Variants in TENT4A observed in about 807,000 individuals in gnomAD.
The protein encoded by TENT4A is terminal nucleotidyltransferase 4A.
A neutral mutation model predicts 72.8 loss-of-function variants in TENT4A; 7 were observed. That is an observed-to-expected ratio of 0.10 (90% CI 0.05 to 0.18). The LOEUF (loss-of-function observed/expected upper bound fraction) is 0.18, where lower values mean the gene tolerates loss of function less well. TENT4A is among the 10% of genes least tolerant of loss of function. TENT4A has a pLI of 1.00. For synonymous variants in TENT4A, 456 were observed against 434.3 expected, an observed-to-expected ratio of 1.05 and a Z score of -0.62; for missense variants, 831 against 1,017.7, an observed-to-expected ratio of 0.82 and a Z score of 2.50.
At chr5:6,741,759 CACTG>C (rs954067718) in intron 4 of TENT4A, among the ~76,000 whole-genome samples, 18 of 152,240 alleles carry the variant, frequency 1.2e-4, no homozygotes, top group African/African-American at 4.1e-4. Flanking sequence ...CGTTGCCTAT[CACTG>C]GCATTTGAAC....
rs371416636 is a variant in TENT4A at position 6,754,883 on chromosome 5, G to A, written c.2317G>A (p.Gly773Ser). 50 of 1,606,444 alleles carry A rather than the reference G, an allele frequency of 3.1e-5. No individual in the cohort carries two copies. Among genetic ancestry groups the A allele is most frequent in the Admixed American group, 1.8e-4 (11 of 59,810 alleles). ...GGGACACCACCAGTATAACCGCACC[G>A]GCTGGAGGAGGAAAAAACACACACA... is the stretch of plus-strand genomic sequence containing the variant. The part of the protein sequence containing the change: ...NRGHHQYNRT[G>S]WRRKKHTHTR... The change falls in exon 13 of 13, where the codon GGC becomes AGC. Residue 773 changes from glycine (G) to serine (S), a missense_variant. By Grantham distance (56) the Gly-to-Ser change is moderately conservative (BLOSUM62 0). Transcript: ENST00000230859.
At chr5:6,746,813 T>G (rs529959950) in intron 7 of TENT4A, among the ~76,000 whole-genome samples, 1 of 152,336 alleles carries the variant, frequency 6.6e-6, no homozygotes, top group African/African-American at 2.4e-5. Context: ...ATATTAATGT[T>G]TATTATTGTT....
chr5:6,737,748 C>T, intron 2 of TENT4A, 115 bp downstream of exon 2: 1 of 1,178,912 alleles, frequency 8.5e-7, no homozygotes. Flanking sequence ...TGGCCCGAGG[C>T]AGCAGTTCTC....
intron 1 of TENT4A, among the ~76,000 whole-genome samples, chr5:6,715,416 T>C (rs1740320894): frequency 6.6e-6 from 1 of 152,144 alleles, no homozygotes; most frequent in Admixed American, 6.5e-5. Flanking sequence ...CGAAAGGTGG[T>C]GTGTGTTTCG....
rs1340635440 is a variant in TENT4A at position 6,713,584 on chromosome 5, C to A, written c.-400C>A. 6.8e-6 allele frequency: 1 copy of A among 147,314 alleles called. No homozygotes were observed. The highest frequency in any genetic ancestry group is 1.5e-5 in the Non-Finnish European group (1 of 65,870). The allele number at this position is 147,314 out of a possible 1,614,324, so 9.1% of individuals were successfully genotyped here. A position where few individuals can be genotyped will look rare whatever the true frequency, so the allele number is the denominator to read the frequency against. On this transcript the variant is annotated 5_prime_UTR_variant, in exon 1 of 13. Coordinates refer to ENST00000230859, the MANE Select transcript of TENT4A (RefSeq NM_006999.6). Reference sequence around the variant, plus strand: ...GTCCTTCAGCCGCTCGGCGCCTGGGCCCGCCCCCTCGGCCCCGCCGCCCGC... The same window carrying A: ...GTCCTTCAGCCGCTCGGCGCCTGGGACCGCCCCCTCGGCCCCGCCGCCCGC...
Position 6,746,270 on chromosome 5 carries a change from A to G in TENT4A, c.1302A>G (p.Val434=), listed in dbSNP as rs911699329. 2.5e-6 allele frequency: 4 copies of G among 1,614,140 alleles called. No individual in the cohort carries two copies. The African/African-American group carries it at 5.3e-5, about 22-fold the overall frequency. ...RADENLGMLL[V]EFFELYGRNF... The stretch of plus-strand genomic sequence containing the variant: ...ATGAAAACCTTGGAATGCTTCTTGT[A>G]GAATTTTTTGAACTCTATGGGAGAA... The change falls in exon 7 of 13, where the codon GTA becomes GTG. Residue 434 remains valine, a synonymous_variant. Transcript: ENST00000230859.
chr5:6,753,223 T>C (rs566611907), intron 12 of TENT4A, among the ~76,000 whole-genome samples, 186 bp downstream of exon 12: 3 of 152,390 alleles, frequency 2.0e-5, no homozygotes, highest in Non-Finnish European at 4.4e-5. Context: ...TATTTTAAGA[T>C]GTAATATATA....
In TENT4A at chr5:6,739,753, C is replaced by T. The variant is rs28363355; in HGVS notation, c.909C>T (p.Phe303=). The change falls in exon 4 of 13, where the codon TTC becomes TTT. Residue 303 remains phenylalanine (F), a synonymous_variant. Transcript: ENST00000230859. ...LPTSDIDLVV[F]GKWERPPLQL... Reference sequence around the variant, plus strand: ...TCAGCGACATAGACCTGGTGGTCTTCGGGAAATGGGAGCGTCCTCCTTTAC... The same window carrying T: ...TCAGCGACATAGACCTGGTGGTCTTTGGGAAATGGGAGCGTCCTCCTTTAC... The T allele has an allele frequency of 2.6e-5, 42 of 1,614,000 alleles. No homozygotes were observed. The highest frequency in any genetic ancestry group is 8.9e-5 in the East Asian group (4 of 44,888).
chr5:6,737,021 T>C (rs200841), intron 1 of TENT4A, among the ~76,000 whole-genome samples: 55,075 of 152,062 alleles, frequency 0.36, 10,040 homozygotes, highest in South Asian at 0.45. Context: ...GACTCATACG[T>C]CTTTTTCCTG....
intron 8 of TENT4A, 134 bp downstream of exon 8, chr5:6,748,724 G>A: frequency 2.2e-6 from 2 of 897,478 alleles, no homozygotes; most frequent in Non-Finnish European, 3.4e-6. Flanking sequence ...AGATATGTTG[G>A]TGAAGGAAGG....
intron 7 of TENT4A, 54 bp from the exon 8 acceptor site, chr5:6,748,410 A>T (rs1232830171): frequency 3.7e-6 from 6 of 1,602,314 alleles, no homozygotes; most frequent in African/African-American, 1.3e-5. Flanking sequence ...GATCCAAAAC[A>T]TGTGGACGAT....
At chr5:6,738,384 A>G (rs1053831431) in intron 2 of TENT4A, among the ~76,000 whole-genome samples, 46 of 152,164 alleles carry the variant, frequency 3.0e-4, no homozygotes, top group Non-Finnish European at 1.6e-4. Context: ...TGGGTTTAAG[A>G]AGAGGTTGAA....
In TENT4A at chr5:6,714,303, C is replaced by T; in HGVS notation, c.320C>T (p.Ser107Leu). 9.1e-7 allele frequency: 1 copy of T among 1,101,696 alleles called. No individual in the cohort carries two copies. The highest frequency in any genetic ancestry group is 1.1e-6 in the Non-Finnish European group (1 of 905,836). 68.2% of individuals were successfully genotyped at this position (1,101,696 alleles called of 1,614,324 possible). ...EGARRLHKSP[S>L]LSSSSSSSSS... ...GCGCGGCGCTTGCACAAGTCGCCGT[C>T]GCTGTCGTCCTCGTCGTCGTCCTCC... Residue 107 changes from serine (S) to leucine (L), a missense_variant, in exon 1 of 13, where the codon TCG becomes TTG. Ser to Leu is a moderately radical substitution (Grantham distance 145). This residue lies in a region of TENT4A where 302 missense variants were observed against 293.8 expected (regional missense o/e 1.03). Transcript: ENST00000230859.
Position 6,739,835 on chromosome 5 carries a change from G to A in TENT4A, c.991G>A (p.Val331Ile). 1 of 1,614,156 alleles carries A rather than the reference G, an allele frequency of 6.2e-7. No individual in the cohort carries two copies. Among genetic ancestry groups the A allele is most frequent in the South Asian group, 1.1e-5 (1 of 91,086 alleles). The change falls in exon 4 of 13, where the codon GTC (valine) becomes ATC (isoleucine). Residue 331 changes from valine (V) to isoleucine (I), a missense_variant. By Grantham distance (29) the Val-to-Ile change is conservative. This residue lies in a region of TENT4A where 197 missense variants were observed against 399.6 expected (regional missense o/e 0.49). Coordinates refer to ENST00000230859, the MANE Select transcript of TENT4A (RefSeq NM_006999.6). ...CGTGGCTGAGCCGTGTTCCATCAAA[G>A]TCCTTGACAAGGCTACGGTGAGTGC... ...HNVAEPCSIK[V>I]LDKATVPIIK...
chr5:6,754,035 G>A (rs1742558845), intron 12 of TENT4A, among the ~76,000 whole-genome samples: 1 of 152,218 alleles, frequency 6.6e-6, no homozygotes, highest in Non-Finnish European at 1.5e-5. Flanking sequence ...TGCTTTGGGT[G>A]TAGCCCAAGC....
chr5:6,746,509 G>C, intron 7 of TENT4A, 82 bp downstream of exon 7: 10 of 1,271,812 alleles, frequency 7.9e-6, no homozygotes, highest in Non-Finnish European at 1.1e-5. Context: ...TTGGGGCTCT[G>C]AGAGCCCCGG....
chr5:6,748,422 G>C (rs1392870188), intron 7 of TENT4A, 42 bp from the exon 8 acceptor site: 1 of 1,607,936 alleles, frequency 6.2e-7, no homozygotes, highest in Admixed American at 1.7e-5. Context: ...GTGGACGATG[G>C]TGTGCATGTG....
intron 1 of TENT4A, among the ~76,000 whole-genome samples, chr5:6,724,166 A>G (rs1740792058): frequency 6.6e-6 from 1 of 152,250 alleles, no homozygotes; most frequent in Non-Finnish European, 1.5e-5. Flanking sequence ...ACTGGTGCCC[A>G]GATGCAGGTC....
rs957266568 is a variant in TENT4A, at chr5:6,754,974, C to T, written c.*29C>T. The T allele has an allele frequency of 4.5e-6, 7 of 1,545,378 alleles. No homozygotes were observed. Among genetic ancestry groups the T allele is most frequent in the African/African-American group, 1.4e-5 (1 of 73,846 alleles). ...CTCCTGGCTGCGTCAGCCTCCCCCA[C>T]CCCTCTGCAGACTGCCCCGCGGCCT... On this transcript the variant is annotated 3_prime_UTR_variant, in exon 13 of 13. Coordinates refer to ENST00000230859, the MANE Select transcript of TENT4A (RefSeq NM_006999.6).
Sources: gnomAD v4.1 joint callset for allele counts (sites outside exome capture counted in the v4.1 genomes callset) on GRCh38, gnomAD v4.1.1 for gene constraint, gnomAD v4.1.1 regional missense constraint, MANE v1.5 for transcripts, NCBI Gene and HGNC (gene_info 2026-07-23, HGNC 2026-07-21) for gene names.